PLD5: variants seen among roughly 807,000 people sequenced by gnomAD.
The protein encoded by PLD5 is inactive phospholipase D5.
In PLD5, 36 loss-of-function variants were observed where a neutral mutation model predicts 61.1. The observed-to-expected ratio is 0.59, with a 90% confidence interval of 0.45 to 0.78. PLD5 has a LOEUF of 0.78. PLD5 is among the 30% of genes least tolerant of loss of function. The pLI, the probability that PLD5 is intolerant of heterozygous loss-of-function variation, is 0.00. For synonymous variants in PLD5, 243 were observed against 242.8 expected, an observed-to-expected ratio of 1.00 and a Z score of -0.01; for missense variants, 515 against 644.4, an observed-to-expected ratio of 0.80 and a Z score of 2.17.
chr1:242,262,394 T>C lies in PLD5; in HGVS notation c.607+2943A>G, dbSNP rs554624296. On this transcript the variant is annotated intron_variant, in intron 4 of 9. Transcript: ENST00000536534. ...GACGGTTTTATGTGGATGTGTTTAC[T>C]TTGTGAAATTCATTGAGCTATATAT... Among the ~76,000 whole-genome samples, 5 of 152,348 alleles carry C rather than the reference T, an allele frequency of 3.3e-5. No individual in the cohort carries two copies. In the East Asian group the frequency reaches 9.7e-4, roughly 29 times the overall value.
intron 5 of PLD5, among the ~76,000 whole-genome samples, chr1:242,194,614 C>G (rs61848041): frequency 0.016 from 971 of 62,228 alleles, 9 homozygotes; most frequent in East Asian, 0.036. Flanking sequence ...ATGTATCTAT[C>G]TATGTATCTA....
intron 2 of PLD5, among the ~76,000 whole-genome samples, chr1:242,325,261 C>T (rs2149193124): frequency 6.6e-6 from 1 of 151,856 alleles, no homozygotes; most frequent in Non-Finnish European, 1.5e-5. Context: ...TCTAAAATAA[C>T]TATTTATACA....
At chr1:242,287,792 G>C (rs893034104) in intron 3 of PLD5, among the ~76,000 whole-genome samples, 2 of 152,146 alleles carry the variant, frequency 1.3e-5, no homozygotes, top group Non-Finnish European at 2.9e-5. Context: ...AGATCATTAA[G>C]TCAGTTTTCT....
chr1:242,110,692 C>T (rs1321965038), intron 7 of PLD5, among the ~76,000 whole-genome samples: 1 of 151,904 alleles, frequency 6.6e-6, no homozygotes, highest in Admixed American at 6.6e-5. Context: ...TGCCTGCAGG[C>T]CCAGATACTC....
intron 1 of PLD5, among the ~76,000 whole-genome samples, chr1:242,516,888 C>G (rs952373001): frequency 2.6e-5 from 4 of 152,184 alleles, no homozygotes; most frequent in Non-Finnish European, 5.9e-5. Context: ...TGGATCTACT[C>G]TATAGGTCAA....
chr1:242,301,793 A>ATTATTATTATT (rs57854017), intron 2 of PLD5, among the ~76,000 whole-genome samples: 5 of 148,522 alleles, frequency 3.4e-5, no homozygotes, highest in Non-Finnish European at 6.0e-5. Context: ...TATTATTATT[A>ATTATTATTATT]GAGACAGAAT....
chr1:242,442,092 C>G lies in PLD5; in HGVS notation c.189+81996G>C, dbSNP rs568125741. Among the ~76,000 whole-genome samples the G allele has an allele frequency of 1.1e-4, 16 of 152,290 alleles. No individual in the cohort carries two copies. The Middle Eastern group carries it at 0.01, about 97-fold the overall frequency. On this transcript the variant is annotated intron_variant, in intron 1 of 9. Transcript: ENST00000536534. Reference sequence around the variant, plus strand: ...CCTCTCATGGGAGCACAGAACTCTTCCCCACAAAGGGCACAAAGTGTCTAG... The same window carrying G: ...CCTCTCATGGGAGCACAGAACTCTTGCCCACAAAGGGCACAAAGTGTCTAG...
chr1:242,372,176 A>G (rs1174373243), intron 1 of PLD5, among the ~76,000 whole-genome samples: 1 of 152,104 alleles, frequency 6.6e-6, no homozygotes, highest in Non-Finnish European at 1.5e-5. Context: ...TCTCTTCATC[A>G]TTATTATTTT....
chr1:242,185,428 AT>A (rs1667811488), intron 5 of PLD5, among the ~76,000 whole-genome samples: 1 of 151,210 alleles, frequency 6.6e-6, no homozygotes, highest in Admixed American at 6.6e-5. Flanking sequence ...AGGAATATTA[AT>A]AAAACTGTGA....
chr1:242,232,318 GA>G (rs1281942979), intron 4 of PLD5, among the ~76,000 whole-genome samples: 1 of 152,080 alleles, frequency 6.6e-6, no homozygotes. Context: ...ATAGTCTGAA[GA>G]AAAAAATTTG....
chr1:242,317,703 T>G (rs1453223849), intron 2 of PLD5, among the ~76,000 whole-genome samples: 1 of 149,320 alleles, frequency 6.7e-6, no homozygotes, highest in East Asian at 2.0e-4. Flanking sequence ...AAAAAAGAAA[T>G]AGGTTCATAG....
At chr1:242,099,125 A>G (rs12066384) in intron 9 of PLD5, among the ~76,000 whole-genome samples, 1,686 of 151,824 alleles carry the variant, frequency 0.011, 33 homozygotes, top group African/African-American at 0.039. Flanking sequence ...TTAGTTTTTT[A>G]TTTTTATTTT....
intron 1 of PLD5, among the ~76,000 whole-genome samples, chr1:242,436,711 G>A (rs899794900): frequency 2.3e-4 from 35 of 152,194 alleles, no homozygotes; most frequent in African/African-American, 8.0e-4. Context: ...AAGCTCATGT[G>A]CCATTTGCTT....
chr1:242,268,917 A>T (rs1451082126), intron 3 of PLD5, among the ~76,000 whole-genome samples: 1 of 152,078 alleles, frequency 6.6e-6, no homozygotes, highest in African/African-American at 2.4e-5. Context: ...ATCTCGGCTC[A>T]CTGCAACCTC....
intron 2 of PLD5, among the ~76,000 whole-genome samples, chr1:242,295,134 G>T (rs1002280126): frequency 6.6e-6 from 1 of 152,078 alleles, no homozygotes; most frequent in African/African-American, 2.4e-5. Flanking sequence ...GTGGTCATAT[G>T]GCTAAAATTT....
At chr1:242,124,274 A>C in intron 6 of PLD5, 194 bp downstream of exon 6, 1 of 546,074 alleles carries the variant, frequency 1.8e-6, no homozygotes. Flanking sequence ...GACACAAGGA[A>C]TGATGATCAA....
intron 5 of PLD5, among the ~76,000 whole-genome samples, chr1:242,168,106 A>C (rs1666461138): frequency 6.6e-6 from 1 of 152,244 alleles, no homozygotes; most frequent in Non-Finnish European, 1.5e-5. Flanking sequence ...GTCTTTTAAT[A>C]ATCTTATAGA....
chr1:242,530,264 T>G, the PLD5 span, among the ~76,000 whole-genome samples: 1 of 152,198 alleles, frequency 6.6e-6, no homozygotes, highest in Non-Finnish European at 1.5e-5. Flanking sequence ...CAACCAGCTG[T>G]GGGGACTCAA....
At chr1:242,194,669 C>CTATCTAT (rs1558329066) in intron 5 of PLD5, among the ~76,000 whole-genome samples, 61 of 91,484 alleles carry the variant, frequency 6.7e-4, no homozygotes, top group African/African-American at 2.0e-3. Context: ...TATCTATCTA[C>CTATCTAT]CTATCTATGA....
Sources: allele counts gnomAD v4.1 joint callset (sites outside exome capture counted in the v4.1 genomes callset), GRCh38; gene constraint gnomAD v4.1.1; transcripts MANE v1.5; gene names NCBI Gene and HGNC (gene_info 2026-07-23, HGNC 2026-07-21).